The following PLAU variants were observed in gnomAD, a reference collection of about 807,000 sequenced individuals.
PLAU encodes the protein urokinase-type plasminogen activator.
In PLAU, 32 loss-of-function variants were observed where a neutral mutation model predicts 48.9. The ratio of observed to expected loss-of-function variants is 0.65; its 90% CI spans 0.49 to 0.88. PLAU has a LOEUF of 0.88. PLAU is among the 40% of genes least tolerant of loss of function. PLAU has a pLI of 0.00. For missense variants in PLAU, 455 were observed against 545.2 expected (o/e 0.83, Z 1.65); for synonymous variants, 199 against 205.7 (o/e 0.97, Z 0.28).
intron 1 of PLAU, 30 bp from the exon 2 acceptor site, chr10:73,911,495 C>T: frequency 6.3e-7 from 1 of 1,588,750 alleles, no homozygotes; most frequent in East Asian, 2.3e-5. Context: ...GTTCCTCCGC[C>T]TCTTGCCCTG....
chr10:73,910,064 T>C (rs1213089986), upstream of PLAU: 1 of 152,374 alleles, frequency 6.6e-6, no homozygotes, highest in South Asian at 2.1e-4. Context: ...TAAATACACA[T>C]GCATTAAAAA....
rs1228604490 is a variant in PLAU, at chr10:73,911,141, A to T, written c.-109A>T. ...CGCCGCGGGTCGCAGCACAGTGCGG[A>T]GACCGCAGCCCCGGAGCCCGGGCCA... On this transcript the variant is annotated 5_prime_UTR_variant, in exon 1 of 11. Transcript: ENST00000372764. 1 of 226,946 alleles carries T rather than the reference A, an allele frequency of 4.4e-6. No individual in the cohort carries two copies. Among genetic ancestry groups the T allele is most frequent in the African/African-American group, 2.4e-5 (1 of 42,466 alleles). 14.1% of individuals were successfully genotyped at this position (226,946 alleles called of 1,614,324 possible). A position where few individuals can be genotyped will look rare whatever the true frequency, so the allele number is the denominator to read the frequency against.
chr10:73,913,839 G>A (rs553166353), intron 7 of PLAU, 81 bp downstream of exon 7: 42 of 1,401,636 alleles, frequency 3.0e-5, no homozygotes, highest in African/African-American at 2.0e-4. Flanking sequence ...AAAGTGTTCC[G>A]CCTCATTTCT....
Position 73,914,075 on chromosome 10 carries a change from T to G in PLAU, c.776T>G (p.Leu259Arg). 1 of 1,614,136 alleles carries G rather than the reference T, an allele frequency of 6.2e-7. No homozygotes were observed. The highest frequency in any genetic ancestry group is 8.5e-7 in the Non-Finnish European group (1 of 1,179,996). The change falls in exon 8 of 11, where the codon CTC becomes CGC. Residue 259 changes from leucine to arginine, a missense_variant. By Grantham distance (102) the Leu-to-Arg change is moderately radical. Coordinates refer to ENST00000372764, the MANE Select transcript of PLAU (RefSeq NM_002658.6). Reference protein sequence around the residue: ...QGEMKFEVENLILHKDYSADT... With the variant: ...QGEMKFEVENRILHKDYSADT... ...GAGATGAAGTTTGAGGTGGAAAACC[T>G]CATCCTACACAAGGACTACAGCGCT...
At chr10:73,913,165 C>T (rs971332663) in intron 5 of PLAU, 67 bp downstream of exon 5, 11 of 1,583,530 alleles carry the variant, frequency 6.9e-6, no homozygotes, top group Non-Finnish European at 8.6e-6. Context: ...TTACCATCCC[C>T]TTCTCCCAGA....
Position 73,914,271 on chromosome 10 carries a change from G to A in PLAU, c.829+143G>A, listed in dbSNP as rs571518049. 2 of 730,124 alleles carry A rather than the reference G, an allele frequency of 2.7e-6. 1 individual carries two copies. The highest frequency in any genetic ancestry group is 4.5e-6 in the Non-Finnish European group (2 of 446,104). 45.2% of individuals were successfully genotyped at this position (730,124 alleles called of 1,614,324 possible). A position where few individuals can be genotyped will look rare whatever the true frequency, so the allele number is the denominator to read the frequency against. ...TGAAGCCTCGATATACATGACAAAG[G>A]GAGTGGCAGGGAAGAGTTCCATGAA... On this transcript the variant is annotated intron_variant, in intron 8 of 10. Coordinates refer to ENST00000372764, the MANE Select transcript of PLAU (RefSeq NM_002658.6).
At position 73,917,245 on chromosome 10, in the gene PLAU, G is replaced by T. The variant is rs1192206999; in HGVS notation, c.*680G>T. ...ATAGGTCACTCCTGGGGCCTCTTGG[G>T]TCCCCCACGTGACAGTGCCTGGGAA... On this transcript the variant is annotated 3_prime_UTR_variant, in exon 11 of 11. Transcript: ENST00000372764. 2 of 152,556 alleles carry T rather than the reference G, an allele frequency of 1.3e-5. No homozygotes were observed. Among genetic ancestry groups the T allele is most frequent in the Non-Finnish European group, 2.9e-5 (2 of 68,030 alleles). The allele number at this position is 152,556 out of a possible 1,614,324, so 9.5% of individuals were successfully genotyped here.
Sources: gnomAD v4.1 joint callset for allele counts on GRCh38, gnomAD v4.1.1 for gene constraint, MANE v1.5 for transcripts, NCBI Gene and HGNC (gene_info 2026-07-23, HGNC 2026-07-21) for gene names.